Variants in RHBDL3 observed in about 807,000 individuals in gnomAD.
The protein encoded by RHBDL3 is rhomboid like 3.
In RHBDL3, 28 loss-of-function variants were observed where a neutral mutation model predicts 48.2. That is an observed-to-expected ratio of 0.58 (90% CI 0.43 to 0.80). RHBDL3 has a LOEUF of 0.80. Among genes scored for constraint, RHBDL3 ranks in the 30% least tolerant of loss-of-function variants. The pLI, the probability that RHBDL3 is intolerant of heterozygous loss-of-function variation, is 0.00. For missense variants in RHBDL3, 464 were observed against 542.7 expected (o/e 0.85, Z 1.44); for synonymous variants, 208 against 232.3 (o/e 0.90, Z 0.95).
chr17:32,309,676 C>T (rs951750790), intron 7 of RHBDL3, among the ~76,000 whole-genome samples: 2 of 152,044 alleles, frequency 1.3e-5, no homozygotes, highest in African/African-American at 4.8e-5. Context: ...ATCGGTAATC[C>T]CATCTTCACA....
At chr17:32,275,497 C>T (rs1597615070) in intron 2 of RHBDL3, among the ~76,000 whole-genome samples, 1 of 152,158 alleles carries the variant, frequency 6.6e-6, no homozygotes, top group Non-Finnish European at 1.5e-5. Flanking sequence ...GGAGGCAGTC[C>T]CCCAACCCGT....
At chr17:32,315,210 C>T (rs571594323) in intron 7 of RHBDL3, among the ~76,000 whole-genome samples, 1 of 152,324 alleles carries the variant, frequency 6.6e-6, no homozygotes, top group African/African-American at 2.4e-5. Context: ...TGGGCCTGGG[C>T]CAGGCAGCAA....
Position 32,284,776 on chromosome 17 carries a change from C to T in RHBDL3, c.253C>T (p.His85Tyr). ...REVLLALADSHADGQIGYQDF... is the reference protein window; with the variant it reads ...REVLLALADSYADGQIGYQDF... ...GGTCCTCCTGGCTCTTGCCGACAGC[C>T]ACGCGGATGGGCAGATCGGCTACCA... The change falls in exon 3 of 9, where the codon CAC becomes TAC. Residue 85 changes from histidine (H) to tyrosine (Y), a missense_variant. His to Tyr is a moderately conservative substitution (Grantham distance 83, BLOSUM62 2). Coordinates refer to ENST00000269051, the MANE Select transcript of RHBDL3 (RefSeq NM_138328.3). The T allele has an allele frequency of 6.2e-7, 1 of 1,614,050 alleles. No individual in the cohort carries two copies. The highest frequency in any genetic ancestry group is 8.5e-7 in the Non-Finnish European group (1 of 1,180,010).
At chr17:32,294,676 C>G (rs2040409597) in intron 5 of RHBDL3, among the ~76,000 whole-genome samples, 1 of 152,158 alleles carries the variant, frequency 6.6e-6, no homozygotes, top group Non-Finnish European at 1.5e-5. Context: ...GTGAGAACAG[C>G]ACACACATAC....
At chr17:32,314,874 A>C (rs1039054981) in intron 7 of RHBDL3, among the ~76,000 whole-genome samples, 11 of 152,192 alleles carry the variant, frequency 7.2e-5, no homozygotes, top group African/African-American at 2.7e-4. Context: ...AGCAGATGAC[A>C]CCGATATCCT....
intron 5 of RHBDL3, among the ~76,000 whole-genome samples, chr17:32,295,898 G>A (rs2040433688): frequency 6.6e-6 from 1 of 152,212 alleles, no homozygotes; most frequent in South Asian, 2.1e-4. Flanking sequence ...GTAGTCACAG[G>A]TAGTATAGGG....
At chr17:32,286,347 A>G (rs749457212) in intron 3 of RHBDL3, among the ~76,000 whole-genome samples, 6 of 152,122 alleles carry the variant, frequency 3.9e-5, no homozygotes, top group Non-Finnish European at 8.8e-5. Context: ...TCTCTGTTCA[A>G]ATTCTGCACT....
At chr17:32,268,928 A>G (rs2039701115) in intron 2 of RHBDL3, among the ~76,000 whole-genome samples, 1 of 152,174 alleles carries the variant, frequency 6.6e-6, no homozygotes, top group Non-Finnish European at 1.5e-5. Context: ...GAACAGAGGC[A>G]AGAAGGTGAC....
At chr17:32,289,829 G>A (rs551110228) in intron 4 of RHBDL3, among the ~76,000 whole-genome samples, 48 of 152,242 alleles carry the variant, frequency 3.2e-4, no homozygotes, top group African/African-American at 1.1e-3. Context: ...CCAAAGCCAC[G>A]GGCCTAATTA....
At position 32,300,287 on chromosome 17, in the gene RHBDL3, C is replaced by T. The variant is rs181167261; in HGVS notation, c.781+2083C>T. 3.6e-3 allele frequency among the ~76,000 whole-genome samples: 551 copies of T among 152,286 alleles called. 2 individuals carry two copies. The highest frequency in any genetic ancestry group is 6.8e-3 in the Middle Eastern group (2 of 294). ...GGCAGACCAGGTGCAGTAGCTCACA[C>T]CTGTAATCCCAATACTTTGGGAGGT... On this transcript the variant is annotated intron_variant, in intron 6 of 8. Transcript: ENST00000269051.
intron 2 of RHBDL3, among the ~76,000 whole-genome samples, chr17:32,276,252 A>G (rs1188312695): frequency 6.6e-6 from 1 of 152,050 alleles, no homozygotes; most frequent in Middle Eastern, 3.2e-3. Context: ...GAACAAAAAA[A>G]CAAAAAAAAT....
rs2040936209 is a variant in RHBDL3, at chr17:32,314,950, C to T, written c.883-1282C>T. 2.0e-5 allele frequency among the ~76,000 whole-genome samples: 3 copies of T among 152,320 alleles called. 1 individual carries two copies. The highest frequency in any genetic ancestry group is 4.1e-4 in the South Asian group (2 of 4,828). On this transcript the variant is annotated intron_variant, in intron 7 of 8. Transcript: ENST00000269051. ...ACAGGCTTTCCACCTAAAGCGGGAC[C>T]GCAGGTGGCCCACACTTCACTTTCT...
In RHBDL3 at chr17:32,284,831, G is replaced by A. The variant is rs772896305; in HGVS notation, c.294+14G>A. The A allele has an allele frequency of 1.2e-6, 2 of 1,611,604 alleles. No individual in the cohort carries two copies. On this transcript the variant is annotated intron_variant, in intron 3 of 8. Coordinates refer to ENST00000269051, the MANE Select transcript of RHBDL3 (RefSeq NM_138328.3). ...TTTGTCAGCCTAGTGAGTGCTCTGGGGCCCTTGGTACTCGGGGGGACCTGT... is the reference window on the plus strand; with the variant it reads ...TTTGTCAGCCTAGTGAGTGCTCTGGAGCCCTTGGTACTCGGGGGGACCTGT...
intron 3 of RHBDL3, 56 bp from the exon 4 acceptor site, chr17:32,288,736 G>C: frequency 7.5e-7 from 1 of 1,337,334 alleles, no homozygotes; most frequent in Non-Finnish European, 1.0e-6. Context: ...GGAAGTGGGT[G>C]GGGAGCTCCG....
intron 7 of RHBDL3, among the ~76,000 whole-genome samples, chr17:32,315,106 A>G (rs2040939628): frequency 6.6e-6 from 1 of 152,196 alleles, no homozygotes; most frequent in South Asian, 2.1e-4. Context: ...TGAAGTGTTC[A>G]TAGATGTTAG....
intron 7 of RHBDL3, among the ~76,000 whole-genome samples, chr17:32,310,883 C>CAAAAAA (rs11348841): frequency 0.35 from 19,491 of 56,196 alleles, 4,477 homozygotes; most frequent in Non-Finnish European, 0.44. Flanking sequence ...GGCTCCATCT[C>CAAAAAA]AAAAAAAAAA....
At chr17:32,295,127 G>T (rs1015008410) in intron 5 of RHBDL3, among the ~76,000 whole-genome samples, 8 of 152,230 alleles carry the variant, frequency 5.3e-5, no homozygotes, top group Non-Finnish European at 1.2e-4. Context: ...CCTCTCCAGA[G>T]AAGTGAAGGA....
chr17:32,299,052 T>G (rs1046986532), intron 6 of RHBDL3, among the ~76,000 whole-genome samples: 50 of 151,612 alleles, frequency 3.3e-4, no homozygotes, highest in Non-Finnish European at 5.6e-4. Flanking sequence ...GGCTGTTTTT[T>G]TTTTTTTTTT....
intron 2 of RHBDL3, among the ~76,000 whole-genome samples, chr17:32,279,896 AAG>A (rs1196416726): frequency 2.0e-5 from 3 of 152,116 alleles, no homozygotes; most frequent in Non-Finnish European, 4.4e-5. Context: ...CAGCAATACA[AAG>A]AGAGAATCTG....
Sources: allele counts gnomAD v4.1 joint callset (sites outside exome capture counted in the v4.1 genomes callset), GRCh38; gene constraint gnomAD v4.1.1; transcripts MANE v1.5; gene names NCBI Gene and HGNC (gene_info 2026-07-23, HGNC 2026-07-21).